METTL8: variants seen among roughly 807,000 people sequenced by gnomAD.
METTL8 encodes tRNA N(3)-cytidine methyltransferase METTL8, mitochondrial.
In METTL8, 32 loss-of-function variants were observed where a neutral mutation model predicts 48.7. The ratio of observed to expected loss-of-function variants is 0.66; its 90% CI spans 0.50 to 0.88. The LOEUF is 0.88. Ranked by LOEUF, METTL8 falls within the 40% of genes least tolerant of loss-of-function variation. The pLI, the probability that METTL8 is intolerant of heterozygous loss-of-function variation, is 0.00. For missense variants in METTL8, 464 were observed against 474.4 expected, an observed-to-expected ratio of 0.98 and a Z score of 0.20; for synonymous variants, 136 against 157.1, an observed-to-expected ratio of 0.87 and a Z score of 1.01.
chr2:171,392,107 GGT>G lies in METTL8; in HGVS notation c.77_78del (p.His26ProfsTer12). ...ATCCTTGATCCCAGAGGGGCCACTGGGTGGTAACCACTTTGGTATCTGTGTGG... is the reference window on the plus strand; with the variant it reads ...ATCCTTGATCCCAGAGGGGCCACTGGGGTAACCACTTTGGTATCTGTGTGG... ...KVPHRYQSGY[H>X]PVAPLGSRIL... On this transcript the variant is annotated frameshift_variant, in exon 2 of 10. Coordinates refer to ENST00000375258, the MANE Select transcript of METTL8 (RefSeq NM_001321154.2). LOFTEE classifies it high-confidence loss of function. The G allele has an allele frequency of 1.3e-6, 2 of 1,551,524 alleles. No individual in the cohort carries two copies. The highest frequency in any genetic ancestry group is 1.7e-6 in the Non-Finnish European group (2 of 1,146,860).
At chr2:171,381,803 C>T (rs568596521) in intron 2 of METTL8, among the ~76,000 whole-genome samples, 6 of 124,166 alleles carry the variant, frequency 4.8e-5, no homozygotes, top group East Asian at 2.3e-4. Context: ...TTTTTTTTGA[C>T]ATGGAGTCTT....
upstream of METTL8, chr2:171,434,765 G>C (rs796932573): frequency 5.5e-5 from 77 of 1,390,668 alleles, no homozygotes; most frequent in East Asian, 8.0e-4. Context: ...CGAGCCTCCT[G>C]CGGGGATGCG....
intron 3 of METTL8, among the ~76,000 whole-genome samples, chr2:171,356,952 A>ATGTTTTTTTTTTTTTG: frequency 5.1e-5 from 4 of 78,488 alleles, no homozygotes; most frequent in South Asian, 5.2e-4. Context: ...CAAAGACAAT[A>ATGTTTTTTTTTTTTTG]TTTTTTTTTT....
intron 1 of METTL8, among the ~76,000 whole-genome samples, chr2:171,401,053 A>G (rs1024760370): frequency 3.9e-5 from 6 of 152,140 alleles, no homozygotes; most frequent in Non-Finnish European, 1.5e-5. Context: ...CCTTTAAATA[A>G]GTAAATTAGT....
chr2:171,426,023 G>C (rs1458384269), intron 1 of METTL8, among the ~76,000 whole-genome samples: 2 of 152,148 alleles, frequency 1.3e-5, no homozygotes, highest in Non-Finnish European at 2.9e-5. Context: ...CGGGCATGGT[G>C]GTGGGCACCT....
chr2:171,329,507 T>C (rs1685305837), intron 7 of METTL8, among the ~76,000 whole-genome samples: 1 of 152,194 alleles, frequency 6.6e-6, no homozygotes, highest in Non-Finnish European at 1.5e-5. Flanking sequence ...ACCTGAACAA[T>C]GCCTACAGTC....
intron 2 of METTL8, among the ~76,000 whole-genome samples, chr2:171,362,547 T>G (rs1422706523): frequency 6.8e-6 from 1 of 147,942 alleles, no homozygotes; most frequent in Admixed American, 7.1e-5. Context: ...GGTACGAAAC[T>G]GTTTTCCTTA....
At position 171,366,382 on chromosome 2, in the gene METTL8, A is replaced by C. The variant is rs368050052; in HGVS notation, c.144-5869T>G. ...TAAAATCAAACCTGATCCAAGAAGGAACTGGCAGAAATTTAACCACTTGCC... is the reference window on the plus strand; with the variant it reads ...TAAAATCAAACCTGATCCAAGAAGGCACTGGCAGAAATTTAACCACTTGCC... On this transcript the variant is annotated intron_variant, in intron 2 of 9. Transcript: ENST00000375258. Among the ~76,000 whole-genome samples, 22 of 152,326 alleles carry C rather than the reference A, an allele frequency of 1.4e-4. 1 individual carries two copies. Among genetic ancestry groups the C allele is most frequent in the African/African-American group, 5.3e-4 (22 of 41,576 alleles).
Position 171,324,051 on chromosome 2 carries a change from A to T in METTL8, c.*121T>A. On this transcript the variant is annotated 3_prime_UTR_variant, in exon 10 of 10. Coordinates refer to ENST00000375258, the MANE Select transcript of METTL8 (RefSeq NM_001321154.2). ...ATGCACAAAGGAGCTCACCTATGAC[A>T]AAACGGCAGGAAATACAAATTCTCT... The T allele has an allele frequency of 1.2e-6, 1 of 835,304 alleles. No individual in the cohort carries two copies. 51.7% of individuals were successfully genotyped at this position (835,304 alleles called of 1,614,324 possible). A position where few individuals can be genotyped will look rare whatever the true frequency, so the allele number is the denominator to read the frequency against.
At position 171,319,721 on chromosome 2, in the gene METTL8, T is replaced by C. The variant is rs1258394643; in HGVS notation, c.*4451A>G. ...TGTGTCATACCGAATGCAAAACTTT[T>C]AATAATAGAAACTGTTATCTTGACT... On this transcript the variant is annotated 3_prime_UTR_variant, in exon 10 of 10. Coordinates refer to ENST00000375258, the MANE Select transcript of METTL8 (RefSeq NM_001321154.2). 6.6e-6 allele frequency: 1 copy of C among 152,234 alleles called. No individual in the cohort carries two copies. The highest frequency in any genetic ancestry group is 1.5e-5 in the Non-Finnish European group (1 of 68,050). The allele number at this position is 152,234 out of a possible 1,614,324, so 9.4% of individuals were successfully genotyped here.
intron 7 of METTL8, among the ~76,000 whole-genome samples, chr2:171,328,729 G>A (rs1685214252): frequency 1.3e-5 from 2 of 151,970 alleles, no homozygotes; most frequent in Non-Finnish European, 2.9e-5. Context: ...TCTCTGTCTT[G>A]CCCAGGCTGG....
chr2:171,408,662 C>T (rs1173458033), intron 1 of METTL8, among the ~76,000 whole-genome samples: 1 of 152,046 alleles, frequency 6.6e-6, no homozygotes, highest in Admixed American at 6.6e-5. Flanking sequence ...CATCTCAATT[C>T]TCTGCAGAAA....
chr2:171,387,293 T>G (rs1688156062), intron 2 of METTL8, among the ~76,000 whole-genome samples: 1 of 152,134 alleles, frequency 6.6e-6, no homozygotes, highest in African/African-American at 2.4e-5. Context: ...CCTGCCCATC[T>G]GTATGCTCCC....
At chr2:171,376,342 T>C (rs1365316092) in intron 2 of METTL8, among the ~76,000 whole-genome samples, 1 of 152,160 alleles carries the variant, frequency 6.6e-6, no homozygotes, top group Non-Finnish European at 1.5e-5. Flanking sequence ...CCTGAGTTCC[T>C]TTGGTCTTCA....
At chr2:171,431,725 CG>C in intron 1 of METTL8, among the ~76,000 whole-genome samples, 1 of 152,264 alleles carries the variant, frequency 6.6e-6, no homozygotes, top group Admixed American at 6.5e-5. Flanking sequence ...AGAAGCAGGG[CG>C]GGGGGCCAGG....
intron 2 of METTL8, among the ~76,000 whole-genome samples, chr2:171,384,520 A>T (rs1441429199): frequency 6.6e-6 from 1 of 151,290 alleles, no homozygotes; most frequent in Non-Finnish European, 1.5e-5. Context: ...ATAAGCAAAC[A>T]AACAAACAGA....
rs571040024 is a variant in METTL8 at position 171,386,835 on chromosome 2, T to TC, written c.143+5207dup. On this transcript the variant is annotated intron_variant, in intron 2 of 9. Coordinates refer to ENST00000375258, the MANE Select transcript of METTL8 (RefSeq NM_001321154.2). ...GATCCTATGCCTATAAACAATCCCCTCCCCCCAGACCCCAGCAGGCAGACA... is the reference window on the plus strand; with the variant it reads ...GATCCTATGCCTATAAACAATCCCCTCCCCCCCAGACCCCAGCAGGCAGACA... 3.1e-4 allele frequency among the ~76,000 whole-genome samples: 47 copies of TC among 150,924 alleles called. No homozygotes were observed. In the South Asian group the frequency reaches 9.5e-3, roughly 31 times the overall value.
intron 1 of METTL8, among the ~76,000 whole-genome samples, chr2:171,400,238 G>A (rs1226962652): frequency 1.3e-5 from 2 of 152,064 alleles, no homozygotes; most frequent in Non-Finnish European, 2.9e-5. Context: ...TCCAGTCCAA[G>A]CAGTCTAATT....
At chr2:171,429,161 T>C (rs1174466362) in intron 1 of METTL8, among the ~76,000 whole-genome samples, 1 of 152,176 alleles carries the variant, frequency 6.6e-6, no homozygotes. Flanking sequence ...ACACTCTGGA[T>C]CATCTGAATG....
Sources: allele counts gnomAD v4.1 joint callset (sites outside exome capture counted in the v4.1 genomes callset), GRCh38; gene constraint gnomAD v4.1.1; transcripts MANE v1.5; gene names NCBI Gene and HGNC (gene_info 2026-07-23, HGNC 2026-07-21).